ATAD2B: variants seen among roughly 807,000 people sequenced by gnomAD.
ATAD2B encodes ATPase family AAA domain containing 2B, also known as ATPase family AAA domain-containing protein 2B.
A neutral mutation model predicts 167.6 loss-of-function variants in ATAD2B; 40 were observed. The observed-to-expected ratio is 0.24, with a 90% CI of 0.19 to 0.31. The LOEUF is 0.31. ATAD2B is among the 10% of genes least tolerant of loss of function. The pLI is 1.00. For missense variants in ATAD2B, 1,242 were observed against 1,757.2 expected (o/e 0.71, Z 5.24); for synonymous variants, 579 against 596.5 (o/e 0.97, Z 0.43).
At chr2:23,775,535 T>C (rs1678974885) in intron 22 of ATAD2B, among the ~76,000 whole-genome samples, 1 of 152,172 alleles carries the variant, frequency 6.6e-6, no homozygotes, top group Non-Finnish European at 1.5e-5. Context: ...TTTAAAACGA[T>C]ATGTGATTTT....
intron 1 of ATAD2B, among the ~76,000 whole-genome samples, chr2:23,916,641 A>G (rs996661267): frequency 2.6e-5 from 4 of 152,184 alleles, no homozygotes; most frequent in African/African-American, 9.7e-5. Flanking sequence ...CTCTAAAATA[A>G]TATCCTATTT....
chr2:23,926,599 C>A lies in ATAD2B; in HGVS notation c.172G>T (p.Ala58Ser). Residue 58 changes from alanine (A) to serine (S), a missense_variant, in exon 1 of 28, where the codon GCC (alanine) becomes TCC (serine). Coordinates refer to ENST00000238789, the MANE Select transcript of ATAD2B (RefSeq NM_017552.4). The part of the protein sequence containing the change: ...TRAASCPAAK[A>S]GGSGGAGVTL... ...ACGCCGGCGCCACCGCTTCCCCCGG[C>A]TTTGGCGGCGGGGCAGCTGGCGGCG... is the stretch of plus-strand genomic sequence containing the variant. The A allele has an allele frequency of 6.4e-7, 1 of 1,563,752 alleles. No individual in the cohort carries two copies. Among genetic ancestry groups the A allele is most frequent in the Non-Finnish European group, 8.7e-7 (1 of 1,155,584 alleles).
rs575303000 is a variant in ATAD2B at position 23,891,084 on chromosome 2, G to A, written c.369-2685C>T. ...CACCCAGGCTGGAGTGCAGTGGTGC[G>A]ATCTTGGCTCACTGCAACCACCATC... On this transcript the variant is annotated intron_variant, in intron 2 of 27. Coordinates refer to ENST00000238789, the MANE Select transcript of ATAD2B (RefSeq NM_017552.4). 4.7e-5 allele frequency among the ~76,000 whole-genome samples: 7 copies of A among 149,184 alleles called. No homozygotes were observed. The South Asian group carries it at 8.5e-4, about 18-fold the overall frequency.
the ATAD2B span, among the ~76,000 whole-genome samples, chr2:23,735,582 G>A: frequency 1.3e-5 from 2 of 152,162 alleles, no homozygotes; most frequent in East Asian, 3.8e-4. Flanking sequence ...AGAAGAAAAG[G>A]ACTAGCTGGC....
chr2:23,762,769 A>T (rs1049484310), intron 23 of ATAD2B, among the ~76,000 whole-genome samples: 4 of 152,200 alleles, frequency 2.6e-5, no homozygotes, highest in African/African-American at 9.6e-5. Flanking sequence ...CTGTCGCACC[A>T]CACTGCAGTC....
intron 7 of ATAD2B, among the ~76,000 whole-genome samples, chr2:23,878,033 A>AAAAAAAAAAAAAAAAAAAAAAAAAAAAC (rs1697268222): frequency 6.8e-6 from 1 of 147,494 alleles, no homozygotes. Context: ...AAAAAAAAAA[A>AAAAAAAAAAAAAAAAAAAAAAAAAAAAC]AAAAAAGCAA....
the ATAD2B span, among the ~76,000 whole-genome samples, chr2:23,742,024 G>A: frequency 6.6e-6 from 1 of 152,158 alleles, no homozygotes; most frequent in Non-Finnish European, 1.5e-5. Flanking sequence ...ACACCAGTTG[G>A]AATGGCAATC....
At chr2:23,755,399 T>A (rs1310187431) in intron 25 of ATAD2B, among the ~76,000 whole-genome samples, 2 of 152,196 alleles carry the variant, frequency 1.3e-5, no homozygotes, top group African/African-American at 2.4e-5. Flanking sequence ...CCTCACATTT[T>A]GCTGAAACCA....
At chr2:23,897,623 TC>T (rs1236367974) in intron 1 of ATAD2B, among the ~76,000 whole-genome samples, 20 of 152,218 alleles carry the variant, frequency 1.3e-4, no homozygotes, top group Admixed American at 1.3e-3. Context: ...AATTATAATT[TC>T]CTACTCTATT....
At chr2:23,695,893 G>A in the ATAD2B span, 1 of 1,536,122 alleles carries the variant, frequency 6.5e-7, no homozygotes, top group South Asian at 1.2e-5. This position sits in a 1 kb window ranked among gnomAD's most constrained non-coding sequence, Gnocchi z 7.6. Flanking sequence ...GAGGTGCCAG[G>A]CACAGATGCC....
Position 23,897,391 on chromosome 2 carries a change from A to G in ATAD2B, c.217-1421T>C, listed in dbSNP as rs184150434. 1.6e-3 allele frequency among the ~76,000 whole-genome samples: 237 copies of G among 152,186 alleles called. 4 individuals are homozygous for G. The highest frequency in any genetic ancestry group is 0.013 in the Admixed American group (193 of 15,284). ...TACATTATGGGGGATTATTTTGATAATTCACCAATATCCTGTTCCTCATCA... is the reference window on the plus strand; with the variant it reads ...TACATTATGGGGGATTATTTTGATAGTTCACCAATATCCTGTTCCTCATCA... On this transcript the variant is annotated intron_variant, in intron 1 of 27. Transcript: ENST00000238789.
At chr2:23,724,323 A>G in the ATAD2B span, among the ~76,000 whole-genome samples, 2 of 152,220 alleles carry the variant, frequency 1.3e-5, no homozygotes, top group African/African-American at 2.4e-5. Flanking sequence ...TATATTAATT[A>G]CCCTGATCTG....
In ATAD2B at chr2:23,757,779, T is replaced by C. The variant is rs1215251815; in HGVS notation, c.3717A>G (p.Ser1239=). 8 of 1,581,596 alleles carry C rather than the reference T, an allele frequency of 5.1e-6. No individual in the cohort carries two copies. The highest frequency in any genetic ancestry group is 4.5e-5 in the East Asian group (2 of 44,708). Residue 1239 remains serine (S), a synonymous_variant, in exon 25 of 28, where the codon TCA becomes TCG. Coordinates refer to ENST00000238789, the MANE Select transcript of ATAD2B (RefSeq NM_017552.4). The part of the protein sequence containing the change: ...ENFASTEEES[S]NESLLVNSSS... ...TGCTGTTGACCAGTAGAGATTCATT[T>C]GAACTTTCCTCCTCAGTAGATGCAA...
intron 1 of ATAD2B, among the ~76,000 whole-genome samples, chr2:23,902,788 A>C (rs1700990759): frequency 1.3e-5 from 2 of 152,174 alleles, no homozygotes; most frequent in Non-Finnish European, 2.9e-5. Flanking sequence ...ACTTGAGGCC[A>C]AGCACAGTGG....
At chr2:23,888,478 A>T (rs1699009572) in intron 2 of ATAD2B, 79 bp from the exon 3 acceptor site, 1 of 900,390 alleles carries the variant, frequency 1.1e-6, no homozygotes, top group Admixed American at 3.5e-5. Flanking sequence ...TGCTGGAATT[A>T]TTTTAATCTT....
chr2:23,771,373 C>G (rs1428636240), intron 22 of ATAD2B, among the ~76,000 whole-genome samples: 1 of 152,124 alleles, frequency 6.6e-6, no homozygotes, highest in Non-Finnish European at 1.5e-5. Flanking sequence ...GGTCATGTTT[C>G]TGATCTTAAG....
chr2:23,759,540 A>G lies in ATAD2B; in HGVS notation c.3395-1439T>C, dbSNP rs145323685. Among the ~76,000 whole-genome samples, 700 of 152,294 alleles carry G rather than the reference A, an allele frequency of 4.6e-3. 3 individuals are homozygous for G. The highest frequency in any genetic ancestry group is 0.016 in the African/African-American group (662 of 41,556). On this transcript the variant is annotated intron_variant, in intron 24 of 27. Transcript: ENST00000238789. Reference sequence around the variant, plus strand: ...GCATCTCTGTAAATTCACAAGAAATAGATAAATTTAGTTATAAATATTACT... The same window carrying G: ...GCATCTCTGTAAATTCACAAGAAATGGATAAATTTAGTTATAAATATTACT...
At chr2:23,758,698 G>T (rs971189762) in intron 24 of ATAD2B, among the ~76,000 whole-genome samples, 1 of 152,182 alleles carries the variant, frequency 6.6e-6, no homozygotes, top group Admixed American at 6.5e-5. Context: ...TGAGCCAACT[G>T]TTAATCTCTT....
the ATAD2B span, chr2:23,688,863 A>C: frequency 6.6e-6 from 1 of 152,324 alleles, no homozygotes; most frequent in Non-Finnish European, 1.5e-5. Flanking sequence ...GGGCAGGGAC[A>C]GAACAGCCAC....
Sources: allele counts gnomAD v4.1 joint callset (sites outside exome capture counted in the v4.1 genomes callset), GRCh38; gene constraint gnomAD v4.1.1; non-coding constraint Gnocchi (gnomAD v3.1); transcripts MANE v1.5; gene names NCBI Gene and HGNC (gene_info 2026-07-23, HGNC 2026-07-21).